ZNF827: variants seen among roughly 807,000 people sequenced by gnomAD.
The protein encoded by ZNF827 is zinc finger protein 827.
In ZNF827, 13 loss-of-function variants were observed where a neutral mutation model predicts 102.4. That is an observed-to-expected ratio of 0.13 (90% confidence interval 0.08 to 0.20). ZNF827 has a LOEUF of 0.20. Among genes scored for constraint, ZNF827 ranks in the 10% least tolerant of loss-of-function variants. The probability of loss-of-function intolerance (pLI) is 1.00; values close to 1 mark genes in which losing one functional copy is unlikely to be tolerated. For missense variants in ZNF827, 1,103 were observed against 1,344.4 expected, an observed-to-expected ratio of 0.82 and a Z score of 2.81; for synonymous variants, 523 against 536.2, an observed-to-expected ratio of 0.98 and a Z score of 0.34.
In ZNF827 at chr4:145,870,378, C is replaced by T. The variant is rs1261382064; in HGVS notation, c.1848G>A (p.Val616=). 3.7e-6 allele frequency: 6 copies of T among 1,614,054 alleles called. No homozygotes were observed. Among genetic ancestry groups the T allele is most frequent in the Non-Finnish European group, 5.1e-6 (6 of 1,180,038 alleles). ...LSTTLPRSSY[V]FSPESEVSAP... is the part of the protein sequence containing the mutation. ...CTGACACTTCAGATTCCGGGCTGAA[C>T]ACATAGCTGGACCGAGGCAAAGTCG... is the stretch of plus-strand genomic sequence containing the variant. The change falls in exon 5 of 15, where the codon GTG becomes GTA. Residue 616 remains valine (V), a synonymous_variant. Coordinates refer to ENST00000508784, the MANE Select transcript of ZNF827 (RefSeq NM_001306215.2).
chr4:145,876,071 G>A (rs1749124418), intron 4 of ZNF827, among the ~76,000 whole-genome samples: 1 of 152,200 alleles, frequency 6.6e-6, no homozygotes, highest in South Asian at 2.1e-4. Context: ...TCATAGGAGA[G>A]CTGCAGTTGT....
chr4:145,787,183 G>A (rs150846795), intron 8 of ZNF827, among the ~76,000 whole-genome samples: 1 of 152,232 alleles, frequency 6.6e-6, no homozygotes, highest in African/African-American at 2.4e-5. Flanking sequence ...AGTTTTTGTC[G>A]GCCGGGCGCA....
chr4:145,884,906 A>G (rs1749979570), intron 4 of ZNF827, among the ~76,000 whole-genome samples: 3 of 152,212 alleles, frequency 2.0e-5, no homozygotes, highest in East Asian at 3.9e-4. Context: ...TGAGGTCCCT[A>G]TAGTCAGATT....
At chr4:145,826,626 ATTG>A (rs1326193102) in intron 7 of ZNF827, among the ~76,000 whole-genome samples, 1 of 152,204 alleles carries the variant, frequency 6.6e-6, no homozygotes, top group African/African-American at 2.4e-5. Context: ...ATTATTAGTT[ATTG>A]TTGTTAATCT....
chr4:145,773,293 T>A (rs780178461), intron 11 of ZNF827, among the ~76,000 whole-genome samples: 12 of 152,192 alleles, frequency 7.9e-5, no homozygotes, highest in Non-Finnish European at 1.8e-4. Context: ...CCTTCTCACT[T>A]GGCATAACGG....
At chr4:145,821,107 G>A (rs1743101580) in intron 8 of ZNF827, among the ~76,000 whole-genome samples, 1 of 152,212 alleles carries the variant, frequency 6.6e-6, no homozygotes, top group African/African-American at 2.4e-5. Context: ...CAGTGGACCT[G>A]AAGCAACACT....
chr4:145,870,410 GGGACT>G lies in ZNF827; in HGVS notation c.1811_1815del (p.Glu604AlafsTer17). On this transcript the variant is annotated frameshift_variant, in exon 5 of 15. Coordinates refer to ENST00000508784, the MANE Select transcript of ZNF827 (RefSeq NM_001306215.2). LOFTEE classifies it high-confidence loss of function. ...CTGGACCGAGGCAAAGTCGTGCTTA[GGGACT>G]CCCCTTCCTTAGGCTCCTCTTTCAC... 6.2e-7 allele frequency: 1 copy of G among 1,614,098 alleles called. No homozygotes were observed. The highest frequency in any genetic ancestry group is 8.5e-7 in the Non-Finnish European group (1 of 1,180,014).
chr4:145,806,291 A>C (rs2126340384), intron 8 of ZNF827, among the ~76,000 whole-genome samples: 1 of 151,404 alleles, frequency 6.6e-6, no homozygotes, highest in African/African-American at 2.4e-5. Context: ...AACTGGGATC[A>C]CAGGCACACT....
intron 13 of ZNF827, among the ~76,000 whole-genome samples, chr4:145,764,457 G>A (rs1451534772): frequency 6.6e-6 from 1 of 152,170 alleles, no homozygotes; most frequent in Non-Finnish European, 1.5e-5. Flanking sequence ...CTAGATCTTG[G>A]GAAGAAGACA....
chr4:145,893,704 T>A (rs1370356699), intron 2 of ZNF827, among the ~76,000 whole-genome samples: 1 of 152,220 alleles, frequency 6.6e-6, no homozygotes, highest in African/African-American at 2.4e-5. Flanking sequence ...ACCATGTGCC[T>A]TCTGATATGT....
Position 145,763,143 on chromosome 4 carries a change from T to G in ZNF827, c.3231-21A>C. The G allele has an allele frequency of 6.5e-7, 1 of 1,535,632 alleles. No individual in the cohort carries two copies. Among genetic ancestry groups the G allele is most frequent in the Non-Finnish European group, 8.7e-7 (1 of 1,146,516 alleles). On this transcript the variant is annotated intron_variant, in intron 13 of 14. Coordinates refer to ENST00000508784, the MANE Select transcript of ZNF827 (RefSeq NM_001306215.2). The surrounding 1 kb of genome is among the most constrained non-coding windows in gnomAD (Gnocchi z 4.6). Reference sequence around the variant, plus strand: ...CTGAGCTACGGCAAAAGAAAAATAATAGTATAATCTTATTTGATCTGCATT... The same window carrying G: ...CTGAGCTACGGCAAAAGAAAAATAAGAGTATAATCTTATTTGATCTGCATT...
chr4:145,830,524 T>G (rs535043259), intron 7 of ZNF827: 3 of 152,322 alleles, frequency 2.0e-5, no homozygotes, highest in Admixed American at 6.5e-5. Flanking sequence ...ATATTTCATT[T>G]TCAACTTAAT....
At chr4:145,779,631 T>C (rs1737657617) in intron 8 of ZNF827, 120 bp from the exon 9 acceptor site, 9 of 1,330,186 alleles carry the variant, frequency 6.8e-6, no homozygotes, top group South Asian at 1.5e-5. Flanking sequence ...TAATTGCAAA[T>C]GAGTCTCCGT....
At position 145,759,909 on chromosome 4, in the gene ZNF827, T is replaced by A. The variant is rs1355563604; in HGVS notation, c.*1707A>T. 1 of 152,204 alleles carries A rather than the reference T, an allele frequency of 6.6e-6. No homozygotes were observed. The highest frequency in any genetic ancestry group is 6.5e-5 in the Admixed American group (1 of 15,280). The allele number at this position is 152,204 out of a possible 1,614,324, so 9.4% of individuals were successfully genotyped here. A position where few individuals can be genotyped will look rare whatever the true frequency, so the allele number is the denominator to read the frequency against. ...AATTAATACATCTCATATATATATA[T>A]AATCTGCCCTTAAAAAATGATGCAC... On this transcript the variant is annotated 3_prime_UTR_variant, in exon 15 of 15. Coordinates refer to ENST00000508784, the MANE Select transcript of ZNF827 (RefSeq NM_001306215.2).
At chr4:145,920,851 C>T (rs1753012729) in intron 1 of ZNF827, among the ~76,000 whole-genome samples, 1 of 152,200 alleles carries the variant, frequency 6.6e-6, no homozygotes, top group Non-Finnish European at 1.5e-5. Flanking sequence ...TCCCTTCATT[C>T]ATTTATTCAG....
chr4:145,875,147 G>A (rs1361285950), intron 4 of ZNF827, among the ~76,000 whole-genome samples: 1 of 152,034 alleles, frequency 6.6e-6, no homozygotes, highest in African/African-American at 2.4e-5. Context: ...CCTATTACTA[G>A]GGAAAATACT....
At chr4:145,830,874 G>A (rs1244086697) in intron 7 of ZNF827, 2 of 152,194 alleles carry the variant, frequency 1.3e-5, no homozygotes, top group Non-Finnish European at 2.9e-5. Flanking sequence ...CTAGGACCAT[G>A]TGTGGTCTTC....
intron 7 of ZNF827, among the ~76,000 whole-genome samples, chr4:145,826,645 T>C (rs10013450): frequency 0.02 from 2,973 of 152,386 alleles, 91 homozygotes; most frequent in African/African-American, 0.067. Flanking sequence ...AATCTCTTAC[T>C]ATGCCTAATT....
At chr4:145,815,751 G>A (rs1436503284) in intron 8 of ZNF827, among the ~76,000 whole-genome samples, 1 of 152,180 alleles carries the variant, frequency 6.6e-6, no homozygotes, top group Admixed American at 6.5e-5. Flanking sequence ...TGAAGCCAGG[G>A]TCACTGCATT....
Sources: allele counts gnomAD v4.1 joint callset (sites outside exome capture counted in the v4.1 genomes callset), GRCh38; gene constraint gnomAD v4.1.1; non-coding constraint Gnocchi (gnomAD v3.1); transcripts MANE v1.5; gene names NCBI Gene and HGNC (gene_info 2026-07-23, HGNC 2026-07-21).